Variants in NRG3 observed in about 807,000 individuals in gnomAD.
The protein encoded by NRG3 is pro-neuregulin-3, membrane-bound isoform.
Under a neutral mutation model 66.9 loss-of-function variants are expected in NRG3, and 31 were observed. That is an observed-to-expected ratio of 0.46 (90% CI 0.35 to 0.63). The LOEUF (loss-of-function observed/expected upper bound fraction) is 0.63, where lower values mean the gene tolerates loss of function less well. Ranked by LOEUF, NRG3 falls within the 20% of genes least tolerant of loss-of-function variation. NRG3 has a pLI of 0.00. For synonymous variants in NRG3, 393 were observed against 359.4 expected (o/e 1.09, Z -1.06); for missense variants, 910 against 878.9 (o/e 1.04, Z -0.45).
chr10:82,597,356 CAG>C (rs1312085533), intron 2 of NRG3, among the ~76,000 whole-genome samples: 1 of 152,158 alleles, frequency 6.6e-6, no homozygotes, highest in Non-Finnish European at 1.5e-5. Context: ...GAGGAAAGAA[CAG>C]ATAATTATTT....
At chr10:82,802,675 C>A (rs1471432413) in intron 3 of NRG3, among the ~76,000 whole-genome samples, 1 of 151,792 alleles carries the variant, frequency 6.6e-6, no homozygotes, top group Non-Finnish European at 1.5e-5. Context: ...TTTTTTGAGA[C>A]AAGATCTCGC....
intron 3 of NRG3, among the ~76,000 whole-genome samples, chr10:82,783,854 C>A (rs1412113221): frequency 7.9e-5 from 12 of 152,102 alleles, no homozygotes; most frequent in African/African-American, 9.7e-5. Flanking sequence ...TTGGAAAAAA[C>A]CACTTTAAAG....
intron 2 of NRG3, among the ~76,000 whole-genome samples, chr10:82,469,322 T>G (rs1473316861): frequency 2.6e-5 from 4 of 152,112 alleles, no homozygotes; most frequent in African/African-American, 9.7e-5. Context: ...GAGATAGTAA[T>G]GGTCAGACAC....
intron 1 of NRG3, among the ~76,000 whole-genome samples, chr10:81,971,962 T>A (rs1200530257): frequency 6.6e-6 from 1 of 152,148 alleles, no homozygotes; most frequent in Non-Finnish European, 1.5e-5. Context: ...ATTACTAGGT[T>A]TTGGAAATAA....
At chr10:81,969,196 C>G (rs2059838526) in intron 1 of NRG3, among the ~76,000 whole-genome samples, 1 of 152,130 alleles carries the variant, frequency 6.6e-6, no homozygotes, top group Admixed American at 6.5e-5. Context: ...CTGCCACCAC[C>G]AGCAGAGCAG....
At chr10:82,718,794 T>G (rs1324961056) in intron 2 of NRG3, among the ~76,000 whole-genome samples, 1 of 152,228 alleles carries the variant, frequency 6.6e-6, no homozygotes, top group Non-Finnish European at 1.5e-5. Flanking sequence ...TATTTACTTC[T>G]GACAAATGAT....
At chr10:82,057,396 T>C (rs1410585482) in intron 1 of NRG3, among the ~76,000 whole-genome samples, 1 of 152,158 alleles carries the variant, frequency 6.6e-6, no homozygotes, top group Non-Finnish European at 1.5e-5. Context: ...TATCTGTTGT[T>C]CTTTGGTGTT....
intron 2 of NRG3, among the ~76,000 whole-genome samples, chr10:82,498,153 G>C (rs1430558860): frequency 6.6e-6 from 1 of 150,950 alleles, no homozygotes; most frequent in East Asian, 2.0e-4. Context: ...TCCTTCATCA[G>C]ATATATGGTT....
intron 3 of NRG3, among the ~76,000 whole-genome samples, chr10:82,829,437 A>G (rs996771795): frequency 3.3e-5 from 5 of 152,204 alleles, no homozygotes; most frequent in African/African-American, 9.6e-5. Context: ...CAGAAAGATG[A>G]TAAGGGGCAA....
chr10:82,126,372 A>G (rs556104890), intron 1 of NRG3, among the ~76,000 whole-genome samples: 2 of 152,196 alleles, frequency 1.3e-5, no homozygotes, highest in South Asian at 2.1e-4. Flanking sequence ...TTATAGGGTT[A>G]TATTTCATAG....
chr10:82,622,682 A>G (rs1399946671), intron 2 of NRG3, among the ~76,000 whole-genome samples: 1 of 152,206 alleles, frequency 6.6e-6, no homozygotes, highest in Non-Finnish European at 1.5e-5. Context: ...CACAGCTCCC[A>G]GCCAGCCAGG....
At chr10:82,829,970 CAA>C (rs1489589116) in intron 3 of NRG3, among the ~76,000 whole-genome samples, 4 of 152,162 alleles carry the variant, frequency 2.6e-5, no homozygotes, top group African/African-American at 4.8e-5. Flanking sequence ...TAAATAAAAT[CAA>C]GCACCTCTGC....
intron 3 of NRG3, among the ~76,000 whole-genome samples, chr10:82,780,356 A>G (rs895011955): frequency 6.6e-6 from 1 of 151,464 alleles, no homozygotes; most frequent in African/African-American, 2.4e-5. Flanking sequence ...AAGTGTTCCT[A>G]TTTCTCCACA....
intron 1 of NRG3, among the ~76,000 whole-genome samples, chr10:81,885,503 G>T (rs1381221980): frequency 6.6e-6 from 1 of 152,080 alleles, no homozygotes; most frequent in Non-Finnish European, 1.5e-5. Flanking sequence ...TCTGCCGGGG[G>T]TACTACAAAC....
chr10:82,659,967 G>A (rs529778701), intron 2 of NRG3, among the ~76,000 whole-genome samples: 8 of 151,708 alleles, frequency 5.3e-5, no homozygotes, highest in Non-Finnish European at 7.4e-5. Flanking sequence ...AGGTTGAGGC[G>A]GGCAAATCGC....
At chr10:82,458,960 C>T (rs2091393610) in intron 2 of NRG3, among the ~76,000 whole-genome samples, 1 of 152,126 alleles carries the variant, frequency 6.6e-6, no homozygotes, top group South Asian at 2.1e-4. Flanking sequence ...TCATCAGCCT[C>T]CTGCATTGAG....
At chr10:81,879,424 T>C (rs929430713) in intron 1 of NRG3, among the ~76,000 whole-genome samples, 1 of 152,230 alleles carries the variant, frequency 6.6e-6, no homozygotes, top group African/African-American at 2.4e-5. Context: ...TGAAATATAG[T>C]TGTACAATGC....
At chr10:82,822,482 T>C (rs1413071894) in intron 3 of NRG3, among the ~76,000 whole-genome samples, 1 of 152,114 alleles carries the variant, frequency 6.6e-6, no homozygotes, top group East Asian at 1.9e-4. Context: ...ATTGCCAAGC[T>C]TGACTCCTCA....
chr10:82,136,331 T>G (rs1362249060), intron 1 of NRG3, among the ~76,000 whole-genome samples: 1 of 152,178 alleles, frequency 6.6e-6, no homozygotes, highest in Non-Finnish European at 1.5e-5. Flanking sequence ...AACCATTGCC[T>G]GGCTCCCACC....
Sources: gnomAD v4.1 joint callset for allele counts (sites outside exome capture counted in the v4.1 genomes callset) on GRCh38, gnomAD v4.1.1 for gene constraint, MANE v1.5 for transcripts, NCBI Gene and HGNC (gene_info 2026-07-23, HGNC 2026-07-21) for gene names.